The following GARS1 variants were observed in gnomAD, a reference collection of about 807,000 sequenced individuals.
The protein encoded by GARS1 is glycine--tRNA ligase.
In GARS1, 46 loss-of-function variants were observed where a neutral mutation model predicts 86.4. That is an observed-to-expected ratio of 0.53 (90% CI 0.42 to 0.68). The LOEUF is 0.68. GARS1 is among the 30% of genes least tolerant of loss of function. GARS1 has a pLI of 0.00. For missense variants in GARS1, 797 were observed against 915.6 expected (o/e 0.87, Z 1.67); for synonymous variants, 342 against 329.8 (o/e 1.04, Z -0.40).
chr7:30,623,747 G>A (rs998649562), intron 12 of GARS1, among the ~76,000 whole-genome samples: 5 of 152,116 alleles, frequency 3.3e-5, no homozygotes, highest in Admixed American at 1.3e-4. Flanking sequence ...GGATAAACAC[G>A]AAGATGACCA....
chr7:30,607,865 T>G (rs1321848882), intron 6 of GARS1, among the ~76,000 whole-genome samples: 1 of 152,242 alleles, frequency 6.6e-6, no homozygotes, highest in Non-Finnish European at 1.5e-5. Flanking sequence ...ACTTCCTTTT[T>G]TAAAAAAATA....
chr7:30,597,755 A>C (rs1274951818), intron 1 of GARS1, among the ~76,000 whole-genome samples: 1 of 152,212 alleles, frequency 6.6e-6, no homozygotes, highest in Non-Finnish European at 1.5e-5. Context: ...GAGACTACCA[A>C]AAACAATCAC....
chr7:30,612,251 G>A lies in GARS1; in HGVS notation c.1031+6G>A. On this transcript the variant is annotated splice_donor_region_variant and intron_variant, in intron 8 of 16. Transcript: ENST00000389266. Reference sequence around the variant, plus strand: ...TCTGGACTGATCAGAGTCAGGTACTGCTCAGGTTACTCTTACAAATTAGTG... The same window carrying A: ...TCTGGACTGATCAGAGTCAGGTACTACTCAGGTTACTCTTACAAATTAGTG... 6.2e-7 allele frequency: 1 copy of A among 1,613,546 alleles called. No homozygotes were observed. Among genetic ancestry groups the A allele is most frequent in the Non-Finnish European group, 8.5e-7 (1 of 1,179,486 alleles).
chr7:30,611,685 T>C (rs1292803581), intron 7 of GARS1, among the ~76,000 whole-genome samples: 1 of 152,230 alleles, frequency 6.6e-6, no homozygotes, highest in Non-Finnish European at 1.5e-5. Context: ...GGTTTCTCCA[T>C]GTTGGTCAGG....
At chr7:30,630,762 A>C (rs953259624) in intron 14 of GARS1, among the ~76,000 whole-genome samples, 1 of 152,064 alleles carries the variant, frequency 6.6e-6, no homozygotes, top group Non-Finnish European at 1.5e-5. Flanking sequence ...CTTCTGCCTC[A>C]GCCTCCCAAA....
intron 7 of GARS1, among the ~76,000 whole-genome samples, 189 bp downstream of exon 7, chr7:30,609,919 T>A (rs1034639982): frequency 1.3e-5 from 2 of 152,230 alleles, no homozygotes; most frequent in African/African-American, 2.4e-5. Flanking sequence ...ATATAATTTC[T>A]TTTTTGGCAT....
intron 8 of GARS1, chr7:30,614,416 T>A (rs1782842775): frequency 6.6e-6 from 1 of 152,124 alleles, no homozygotes; most frequent in South Asian, 2.1e-4. Context: ...ATTGTAGATG[T>A]TCAGTTGCTG....
At chr7:30,602,237 T>C (rs576495481) in intron 4 of GARS1, among the ~76,000 whole-genome samples, 69 of 151,762 alleles carry the variant, frequency 4.5e-4, no homozygotes, top group African/African-American at 1.5e-3. Context: ...TACAGGCACC[T>C]GCCACCGTGC....
At chr7:30,602,583 A>G (rs1278827058) in intron 4 of GARS1, among the ~76,000 whole-genome samples, 1 of 152,228 alleles carries the variant, frequency 6.6e-6, no homozygotes, top group Non-Finnish European at 1.5e-5. Context: ...TTGTAGAGAT[A>G]ATACCAATGT....
Position 30,621,376 on chromosome 7 carries a change from T to G in GARS1, c.1360-17T>G. On this transcript the variant is annotated splice_polypyrimidine_tract_variant and intron_variant, in intron 10 of 16. Coordinates refer to ENST00000389266, the MANE Select transcript of GARS1 (RefSeq NM_002047.4). ...AATAATAAGTAAGTAATGTTTTTAT[T>G]GATTATATCTTTTTAGGGTTGGATT... 1 of 1,603,814 alleles carries G rather than the reference T, an allele frequency of 6.2e-7. No individual in the cohort carries two copies. The highest frequency in any genetic ancestry group is 8.5e-7 in the Non-Finnish European group (1 of 1,170,644).
chr7:30,600,028 C>G lies in GARS1; in HGVS notation c.406C>G (p.Gln136Glu). The part of the protein sequence containing the change: ...DTLKRRFFYD[Q>E]AFAIYGGVSG... ...CCTGAAGAGGAGGTTTTTCTATGAT[C>G]AAGCTTTTGCTATTTATGGAGGTAA... The change falls in exon 3 of 17, where the codon CAA (glutamine) becomes GAA (glutamate). Residue 136 changes from glutamine (Q) to glutamate (E), a missense_variant. Physicochemically the swap from Gln to Glu is conservative, Grantham distance 29 (BLOSUM62 2). Coordinates refer to ENST00000389266, the MANE Select transcript of GARS1 (RefSeq NM_002047.4). The G allele has an allele frequency of 6.2e-7, 1 of 1,611,914 alleles. No individual in the cohort carries two copies. Among genetic ancestry groups the G allele is most frequent in the Non-Finnish European group, 8.5e-7 (1 of 1,178,286 alleles).
At position 30,631,474 on chromosome 7, in the gene GARS1, T is replaced by G. The variant is rs759595437; in HGVS notation, c.1836T>G (p.Ala612=). ...RTFFSFPAVV[A]PFKCSVLPLS... ...TCTTCAGTTTCCCTGCTGTAGTTGC[T>G]CCATTCAAATGTTCCGTCCTCCCAC... is the stretch of plus-strand genomic sequence containing the variant. The change falls in exon 15 of 17, where the codon GCT becomes GCG. Residue 612 remains alanine, a synonymous_variant. Coordinates refer to ENST00000389266, the MANE Select transcript of GARS1 (RefSeq NM_002047.4). The G allele has an allele frequency of 3.7e-6, 6 of 1,613,600 alleles. No individual in the cohort carries two copies. Among genetic ancestry groups the G allele is most frequent in the African/African-American group, 1.3e-5 (1 of 74,926 alleles).
At chr7:30,604,755 C>T (rs1209332688) in intron 6 of GARS1, among the ~76,000 whole-genome samples, 1 of 152,132 alleles carries the variant, frequency 6.6e-6, no homozygotes, top group East Asian at 1.9e-4. Flanking sequence ...TGAAGCCACA[C>T]GTTCATCTCA....
intron 8 of GARS1, among the ~76,000 whole-genome samples, chr7:30,613,096 A>G (rs75094667): frequency 0.016 from 2,383 of 152,234 alleles, 64 homozygotes; most frequent in African/African-American, 0.054. Flanking sequence ...CTTGGGTCAT[A>G]ACATAGCCCA....
chr7:30,620,549 T>G (rs1338656770), intron 10 of GARS1, among the ~76,000 whole-genome samples: 1 of 152,168 alleles, frequency 6.6e-6, no homozygotes, highest in East Asian at 1.9e-4. Context: ...ATATACGAAT[T>G]TTGTCAAGGA....
intron 12 of GARS1, among the ~76,000 whole-genome samples, chr7:30,624,508 C>T (rs1201650763): frequency 6.6e-6 from 1 of 152,030 alleles, no homozygotes; most frequent in Non-Finnish European, 1.5e-5. Context: ...TGGGAATATA[C>T]TCTTGTGAGG....
Position 30,633,981 on chromosome 7 carries a change from A to G in GARS1, c.*121A>G. 4.1e-6 allele frequency: 5 copies of G among 1,213,606 alleles called. No homozygotes were observed. The highest frequency in any genetic ancestry group is 4.6e-6 in the Non-Finnish European group (4 of 868,518). The allele number at this position is 1,213,606 out of a possible 1,614,324, so 75.2% of individuals were successfully genotyped here. A position where few individuals can be genotyped will look rare whatever the true frequency, so the allele number is the denominator to read the frequency against. ...CTCCCAGGGACCGTATTTTATCTTC[A>G]GTGGCTGCCTGATTTTACCCCCACA... On this transcript the variant is annotated 3_prime_UTR_variant, in exon 17 of 17. Coordinates refer to ENST00000389266, the MANE Select transcript of GARS1 (RefSeq NM_002047.4).
intron 14 of GARS1, among the ~76,000 whole-genome samples, chr7:30,630,429 G>A (rs1017382087): frequency 2.3e-4 from 35 of 150,962 alleles, no homozygotes; most frequent in African/African-American, 8.2e-4. Flanking sequence ...TGAACCTTTT[G>A]TACAAGTATT....
At chr7:30,595,977 T>C (rs1167771983) in intron 1 of GARS1, 4 of 458,138 alleles carry the variant, frequency 8.7e-6, no homozygotes, top group Non-Finnish European at 1.8e-5. Flanking sequence ...TGATTTAATA[T>C]AGACCTCCTT....
Sources: gnomAD v4.1 joint callset for allele counts (sites outside exome capture counted in the v4.1 genomes callset) on GRCh38, gnomAD v4.1.1 for gene constraint, MANE v1.5 for transcripts, NCBI Gene and HGNC (gene_info 2026-07-23, HGNC 2026-07-21) for gene names.